HMGA1: variants seen among roughly 807,000 people sequenced by gnomAD.
HMGA1 encodes high mobility group AT-hook 1.
In HMGA1, 1 loss-of-function variant was observed where a neutral mutation model predicts 15.1. The ratio of observed to expected loss-of-function variants is 0.07; its 90% confidence interval spans 0.02 to 0.31. HMGA1 has a LOEUF of 0.31. Among genes scored for constraint, HMGA1 ranks in the 10% least tolerant of loss-of-function variants. The pLI, the probability that HMGA1 is intolerant of heterozygous loss-of-function variation, is 1.00. For synonymous variants in HMGA1, 56 were observed against 54.8 expected, an observed-to-expected ratio of 1.02 and a Z score of -0.10; for missense variants, 94 against 141.4, an observed-to-expected ratio of 0.66 and a Z score of 1.70.
At chr6:34,239,919 T>A (rs1055866689) in intron 2 of HMGA1, among the ~76,000 whole-genome samples, 2 of 152,040 alleles carry the variant, frequency 1.3e-5, no homozygotes, top group Admixed American at 1.3e-4. Context: ...CCAGCCAGGG[T>A]CTGTTAGGCG....
Position 34,241,579 on chromosome 6 carries a change from A to G in HMGA1, c.135+664A>G, listed in dbSNP as rs146556933. On this transcript the variant is annotated intron_variant, in intron 3 of 5. Transcript: ENST00000311487. ...AGAACCCTGGTGCTGCTCTCCCCAC[A>G]AAGTCCTCATAGAAGGATGAGGCTG... 2.9e-3 allele frequency among the ~76,000 whole-genome samples: 445 copies of G among 152,324 alleles called. 2 individuals are homozygous for G. Among genetic ancestry groups the G allele is most frequent in the African/African-American group, 0.01 (422 of 41,572 alleles).
At chr6:34,243,373 A>G in intron 4 of HMGA1, 95 bp from the exon 5 acceptor site, 1 of 952,106 alleles carries the variant, frequency 1.1e-6, no homozygotes, top group Non-Finnish European at 1.7e-6. Flanking sequence ...GGTCACCCTG[A>G]ACAGGCAGGT....
Position 34,245,809 on chromosome 6 carries a change from C to G in HMGA1, c.*925C>G. The G allele has an allele frequency of 2.4e-6, 1 of 417,104 alleles. No homozygotes were observed. Among genetic ancestry groups the G allele is most frequent in the South Asian group, 2.3e-5 (1 of 42,900 alleles). 25.8% of individuals were successfully genotyped at this position (417,104 alleles called of 1,614,324 possible). ...CCCCCTCCTGCTCCTCCCTGCCCCC[C>G]AAGGTTCTGGTTCCATTTTTCCTCT... On this transcript the variant is annotated 3_prime_UTR_variant, in exon 6 of 6. Transcript: ENST00000311487.
rs1403086087 is a variant in HMGA1, at chr6:34,239,950, TC to T, written c.-44-784del. Reference sequence around the variant, plus strand: ...AGGCGGTGCATTTCAGTTGGAGAATTCCCTACCCATCTGACAAAGTCCCATC... The same window carrying T: ...AGGCGGTGCATTTCAGTTGGAGAATTCCTACCCATCTGACAAAGTCCCATC... On this transcript the variant is annotated intron_variant, in intron 2 of 5. Transcript: ENST00000311487. 2.6e-5 allele frequency among the ~76,000 whole-genome samples: 4 copies of T among 152,156 alleles called. No homozygotes were observed. In the East Asian group the frequency reaches 7.7e-4, roughly 29 times the overall value.
At chr6:34,243,390 G>GC (rs1473131707) in intron 4 of HMGA1, 78 bp from the exon 5 acceptor site, 6 of 1,125,282 alleles carry the variant, frequency 5.3e-6, no homozygotes, top group South Asian at 1.3e-5. Flanking sequence ...AGGTAGGTCT[G>GC]CCCCCCATCA....
intron 2 of HMGA1, chr6:34,238,839 TTCCAGGGAGACCCGCCAAGATC>T (rs1469871800): frequency 6.6e-6 from 1 of 152,100 alleles, no homozygotes; most frequent in Admixed American, 6.6e-5. Context: ...GTATGAGAGC[TTCCAGGGAGACCCGCCAAGATC>T]TCCAGGCAGG....
At chr6:34,244,647 T>C (rs1455492573) in intron 5 of HMGA1, among the ~76,000 whole-genome samples, 184 bp from the exon 6 acceptor site, 1 of 152,010 alleles carries the variant, frequency 6.6e-6, no homozygotes, top group Non-Finnish European at 1.5e-5. Context: ...GGTTTTTTCC[T>C]CCTTTTAAAT....
chr6:34,241,649 G>T (rs542503451), intron 3 of HMGA1, among the ~76,000 whole-genome samples: 10 of 152,234 alleles, frequency 6.6e-5, no homozygotes, highest in Non-Finnish European at 1.3e-4. Context: ...GGCCATTTGG[G>T]CATGGGGGGG....
intron 2 of HMGA1, among the ~76,000 whole-genome samples, chr6:34,239,590 G>A (rs905666962): frequency 1.3e-5 from 2 of 152,138 alleles, no homozygotes; most frequent in Non-Finnish European, 2.9e-5. Flanking sequence ...AAGTGGAGCC[G>A]CTTGTCCCAC....
At chr6:34,242,671 C>T in intron 3 of HMGA1, 41 bp from the exon 4 acceptor site, 1 of 1,386,650 alleles carries the variant, frequency 7.2e-7, no homozygotes, top group Non-Finnish European at 1.0e-6. Context: ...GGGGTGGAAA[C>T]AGGTGATGAC....
In HMGA1 at chr6:34,245,928, T is replaced by G. The variant is rs939768653; in HGVS notation, c.*1044T>G. The G allele has an allele frequency of 1.3e-5, 4 of 312,260 alleles. No individual in the cohort carries two copies. The highest frequency in any genetic ancestry group is 2.4e-5 in the Non-Finnish European group (4 of 164,812). 19.3% of individuals were successfully genotyped at this position (312,260 alleles called of 1,614,324 possible). A position where few individuals can be genotyped will look rare whatever the true frequency, so the allele number is the denominator to read the frequency against. On this transcript the variant is annotated 3_prime_UTR_variant, in exon 6 of 6. Transcript: ENST00000311487. ...TGCTGCTGCTACCAGCGCCAAATGT[T>G]CATCCTCATTGCCTCCTGTTCTGCC...
chr6:34,237,634 C>T (rs1303735455), intron 2 of HMGA1, among the ~76,000 whole-genome samples: 1 of 147,812 alleles, frequency 6.8e-6, no homozygotes, highest in South Asian at 2.1e-4. Flanking sequence ...GTGCACCCGG[C>T]GGAGCCCGGA....
In HMGA1 at chr6:34,242,757, C is replaced by A; in HGVS notation, c.181C>A (p.Pro61Thr). 1 of 1,594,084 alleles carries A rather than the reference C, an allele frequency of 6.3e-7. No homozygotes were observed. Among genetic ancestry groups the A allele is most frequent in the East Asian group, 2.3e-5 (1 of 44,126 alleles). Residue 61 changes from proline to threonine, a missense_variant, in exon 4 of 6, where the codon CCA (proline) becomes ACA (threonine). Pro to Thr is a conservative substitution (Grantham distance 38). Coordinates refer to ENST00000311487, the MANE Select transcript of HMGA1 (RefSeq NM_145899.3). ...VPTPKRPRGR[P>T]KGSKNKGAAK... is the part of the protein sequence containing the mutation. ...AACACCTAAGAGACCTCGGGGCCGA[C>A]CAAAGGGAAGCAAAAACAAGGGTGC...
chr6:34,241,641 C>A (rs1308498147), intron 3 of HMGA1, among the ~76,000 whole-genome samples: 1 of 152,208 alleles, frequency 6.6e-6, no homozygotes, highest in African/African-American at 2.4e-5. Flanking sequence ...GGGAGCATGG[C>A]CATTTGGGCA....
rs768466797 is a variant in HMGA1, at chr6:34,240,927, A to G, written c.135+12A>G. On this transcript the variant is annotated intron_variant, in intron 3 of 5. Coordinates refer to ENST00000311487, the MANE Select transcript of HMGA1 (RefSeq NM_145899.3). ...TGGTAGGGAGTCAGGTGGGTGTCCA[A>G]ACCTTTGCTTCACTTGGTTTACCCT... The G allele has an allele frequency of 1.4e-5, 23 of 1,613,456 alleles. No homozygotes were observed. The highest frequency in any genetic ancestry group is 1.9e-5 in the Non-Finnish European group (22 of 1,179,672).
intron 2 of HMGA1, among the ~76,000 whole-genome samples, chr6:34,239,597 C>T (rs1488840061): frequency 6.6e-6 from 1 of 152,090 alleles, no homozygotes; most frequent in East Asian, 1.9e-4. Flanking sequence ...GCCGCTTGTC[C>T]CACCCCTTAC....
In HMGA1 at chr6:34,244,856, C is replaced by T. The variant is rs375793961; in HGVS notation, c.296C>T (p.Ser99Leu). The part of the protein sequence containing the change: ...KLEKEEEEGI[S>L]QESSEEEQ ...GAGAAGGAGGAAGAGGAGGGCATCT[C>T]GCAGGAGTCCTCGGAGGAGGAGCAG... Residue 99 changes from serine (S) to leucine (L), a missense_variant, in exon 6 of 6, where the codon TCG (serine) becomes TTG (leucine). By Grantham distance (145) the Ser-to-Leu change is moderately radical. Coordinates refer to ENST00000311487, the MANE Select transcript of HMGA1 (RefSeq NM_145899.3). 2.2e-5 allele frequency: 35 copies of T among 1,570,114 alleles called. No homozygotes were observed. In the African/African-American group the frequency reaches 3.1e-4, roughly 14 times the overall value.
chr6:34,241,418 G>A (rs900471842), intron 3 of HMGA1, among the ~76,000 whole-genome samples: 1 of 152,256 alleles, frequency 6.6e-6, no homozygotes, highest in African/African-American at 2.4e-5. Flanking sequence ...AGAAACGGGT[G>A]CCTGCGTGGG....
At chr6:34,241,335 A>C (rs1192048394) in intron 3 of HMGA1, among the ~76,000 whole-genome samples, 3 of 152,208 alleles carry the variant, frequency 2.0e-5, no homozygotes, top group African/African-American at 7.2e-5. Context: ...GTGCACGTAA[A>C]ATGATTTTTG....
Sources: gnomAD v4.1 joint callset for allele counts (sites outside exome capture counted in the v4.1 genomes callset) on GRCh38, gnomAD v4.1.1 for gene constraint, MANE v1.5 for transcripts, NCBI Gene and HGNC (gene_info 2026-07-23, HGNC 2026-07-21) for gene names.